Variants in L2HGDH observed in about 807,000 individuals in gnomAD.
L2HGDH encodes the protein L-2-hydroxyglutarate dehydrogenase, mitochondrial.
L2HGDH carries 34 observed loss-of-function variants against 51.5 expected under a neutral mutation model. The observed-to-expected ratio is 0.66, with a 90% CI of 0.50 to 0.88. The LOEUF (loss-of-function observed/expected upper bound fraction) is 0.88, where lower values mean the gene tolerates loss of function less well. L2HGDH is among the 40% of genes least tolerant of loss of function. L2HGDH has a pLI of 0.00. For synonymous variants in L2HGDH, 198 were observed against 197.9 expected, an observed-to-expected ratio of 1.00 and a Z score of -0.01; for missense variants, 558 against 571.9, an observed-to-expected ratio of 0.98 and a Z score of 0.25.
intron 5 of L2HGDH, among the ~76,000 whole-genome samples, chr14:50,280,572 T>C (rs1481988087): frequency 6.6e-6 from 1 of 152,182 alleles, no homozygotes; most frequent in Non-Finnish European, 1.5e-5. Flanking sequence ...ACTGACTACG[T>C]TTGCCATTTA....
In L2HGDH at chr14:50,254,694, T is replaced by C. The variant is rs141102818; in HGVS notation, c.1197-7441A>G. 1.8e-4 allele frequency among the ~76,000 whole-genome samples: 27 copies of C among 152,246 alleles called. No homozygotes were observed. The East Asian group carries it at 4.8e-3, about 27-fold the overall frequency. On this transcript the variant is annotated intron_variant, in intron 9 of 9. Transcript: ENST00000267436. ...AAAATTATGTTCTCAATGTCCCCTA[T>C]ACTCTTGTCCACATATTGAAAACCC...
At position 50,311,636 on chromosome 14, in the gene L2HGDH, T is replaced by G. The variant is rs140690881; in HGVS notation, c.140+375A>C. Among the ~76,000 whole-genome samples, 451 of 152,272 alleles carry G rather than the reference T, an allele frequency of 3.0e-3. 3 individuals carry two copies. Among genetic ancestry groups the G allele is most frequent in the African/African-American group, 9.2e-3 (384 of 41,554 alleles). ...AGACTCCAGCTTATAAAGAGCATATTTGATTGCTTATACTGTGTGCTAGGT... is the reference window on the plus strand; with the variant it reads ...AGACTCCAGCTTATAAAGAGCATATGTGATTGCTTATACTGTGTGCTAGGT... On this transcript the variant is annotated intron_variant, in intron 1 of 9. Transcript: ENST00000267436.
At chr14:50,310,936 CTTTTTTTTTT>C (rs34399906) in intron 1 of L2HGDH, among the ~76,000 whole-genome samples, 1 of 82,242 alleles carries the variant, frequency 1.2e-5, no homozygotes, top group Non-Finnish European at 2.3e-5. Flanking sequence ...CTTTTCTTTT[CTTTTTTTTTT>C]TTTTTTTTTT....
At position 50,243,199 on chromosome 14, in the gene L2HGDH, A is replaced by C. The variant is rs141321371; in HGVS notation, c.*3859T>G. ...TGATATACACATATATGTATGGATA[A>C]AAGAGTTAAGCTACGTAACATGAAA... On this transcript the variant is annotated 3_prime_UTR_variant, in exon 10 of 10. Transcript: ENST00000267436. 4.3e-5 allele frequency: 42 copies of C among 985,418 alleles called. No individual in the cohort carries two copies. The African/African-American group carries it at 6.1e-4, about 14-fold the overall frequency. 61.0% of individuals were successfully genotyped at this position (985,418 alleles called of 1,614,324 possible). A position where few individuals can be genotyped will look rare whatever the true frequency, so the allele number is the denominator to read the frequency against.
intron 1 of L2HGDH, 48 bp downstream of exon 1, chr14:50,311,963 C>T (rs1204577588): frequency 6.5e-7 from 1 of 1,540,640 alleles, no homozygotes; most frequent in Non-Finnish European, 8.7e-7. Context: ...CAGGTGCCTC[C>T]GCGAGGGGCA....
At chr14:50,281,863 C>T (rs573351635) in intron 5 of L2HGDH, among the ~76,000 whole-genome samples, 3 of 152,112 alleles carry the variant, frequency 2.0e-5, no homozygotes, top group East Asian at 1.9e-4. Context: ...GTGTGTGTGA[C>T]GGAGTCTCGC....
rs191842142 is a variant in L2HGDH, at chr14:50,303,219, C to T, written c.141-202G>A. Among the ~76,000 whole-genome samples the T allele has an allele frequency of 1.4e-3, 218 of 151,972 alleles. 2 individuals are homozygous for T. The highest frequency in any genetic ancestry group is 4.7e-3 in the African/African-American group (193 of 41,456). ...GGGGCGGATCACGAGGTCAAGAGAT[C>T]GAGACCATCCTGGCCAACATGGTGA... On this transcript the variant is annotated intron_variant, in intron 1 of 9. Transcript: ENST00000267436.
intron 7 of L2HGDH, among the ~76,000 whole-genome samples, chr14:50,268,678 T>C (rs1889494971): frequency 1.3e-5 from 2 of 152,194 alleles, no homozygotes; most frequent in Admixed American, 1.3e-4. Flanking sequence ...TTTCATCTGG[T>C]TCGACCTAAT....
rs1888044627 is a variant in L2HGDH at position 50,247,060 on chromosome 14, A to G, written c.1390T>C (p.Ter464GlnextTer10). Residue 464 changes from the stop codon to glutamine, a stop_lost, in exon 10 of 10, where the codon TAA becomes CAA. Coordinates refer to ENST00000267436, the MANE Select transcript of L2HGDH (RefSeq NM_024884.3). ...ADEVQQRFEL[*>Q] ...GCATACCTAGCTCCTTTCATTATTT[A>G]TAATTCAAATCTTTGTTGTACTTCA... 1 of 1,612,874 alleles carries G rather than the reference A, an allele frequency of 6.2e-7. No homozygotes were observed. The highest frequency in any genetic ancestry group is 2.2e-5 in the East Asian group (1 of 44,872).
intron 5 of L2HGDH, among the ~76,000 whole-genome samples, chr14:50,279,498 G>A (rs1439485173): frequency 1.3e-5 from 2 of 152,040 alleles, no homozygotes; most frequent in Non-Finnish European, 2.9e-5. Flanking sequence ...CTTATTACTA[G>A]GTGCTATTTC....
At chr14:50,260,492 C>A (rs1272501969) in intron 9 of L2HGDH, among the ~76,000 whole-genome samples, 2 of 152,166 alleles carry the variant, frequency 1.3e-5, no homozygotes, top group African/African-American at 4.8e-5. Context: ...TAACTCAAGC[C>A]CCTCAGTTAT....
chr14:50,242,594 A>G lies in L2HGDH; in HGVS notation c.*4464T>C. 2.0e-6 allele frequency: 2 copies of G among 984,984 alleles called. No individual in the cohort carries two copies. Among genetic ancestry groups the G allele is most frequent in the African/African-American group, 1.7e-5 (1 of 57,340 alleles). 61.0% of individuals were successfully genotyped at this position (984,984 alleles called of 1,614,324 possible). A position where few individuals can be genotyped will look rare whatever the true frequency, so the allele number is the denominator to read the frequency against. ...ACACTGTTCTTCCCTTCAGGGCTTC[A>G]GGGTTTATTTCCATTCTTAAGCTAT... On this transcript the variant is annotated 3_prime_UTR_variant, in exon 10 of 10. Coordinates refer to ENST00000267436, the MANE Select transcript of L2HGDH (RefSeq NM_024884.3).
At chr14:50,269,409 A>AACAGGTACAG in intron 6 of L2HGDH, 79 bp from the exon 7 acceptor site, 1 of 1,360,990 alleles carries the variant, frequency 7.3e-7, no homozygotes, top group Non-Finnish European at 1.0e-6. Flanking sequence ...GTGATAGAAA[A>AACAGGTACAG]GAAAAAAAGG....
intron 9 of L2HGDH, among the ~76,000 whole-genome samples, chr14:50,252,461 T>C (rs1041115884): frequency 4.6e-5 from 7 of 151,408 alleles, no homozygotes; most frequent in African/African-American, 1.5e-4. Context: ...GACTAAAGTC[T>C]GCAGTCAAAA....
At chr14:50,253,376 T>C (rs1189075010) in intron 9 of L2HGDH, among the ~76,000 whole-genome samples, 1 of 152,026 alleles carries the variant, frequency 6.6e-6, no homozygotes, top group Non-Finnish European at 1.5e-5. Context: ...GGGCAAAATA[T>C]CTGAATAGAC....
Position 50,244,913 on chromosome 14 carries a change from C to A in L2HGDH, c.*2145G>T. The A allele has an allele frequency of 1.0e-6, 1 of 985,396 alleles. No individual in the cohort carries two copies. The highest frequency in any genetic ancestry group is 1.2e-6 in the Non-Finnish European group (1 of 829,932). 61.0% of individuals were successfully genotyped at this position (985,396 alleles called of 1,614,324 possible). A position where few individuals can be genotyped will look rare whatever the true frequency, so the allele number is the denominator to read the frequency against. On this transcript the variant is annotated 3_prime_UTR_variant, in exon 10 of 10. Coordinates refer to ENST00000267436, the MANE Select transcript of L2HGDH (RefSeq NM_024884.3). Reference sequence around the variant, plus strand: ...AAATCAGAGAGAATGGATGAAAATGCCTCACCTAAATGTGGTTCAGTACTC... The same window carrying A: ...AAATCAGAGAGAATGGATGAAAATGACTCACCTAAATGTGGTTCAGTACTC...
chr14:50,283,707 T>G (rs1890402116), intron 5 of L2HGDH, 164 bp downstream of exon 5: 10 of 602,798 alleles, frequency 1.7e-5, no homozygotes, highest in Non-Finnish European at 2.6e-5. Context: ...GCTATTTTTT[T>G]GTTATACTAT....
chr14:50,262,445 A>C (rs1889087657), intron 9 of L2HGDH, among the ~76,000 whole-genome samples: 1 of 144,298 alleles, frequency 6.9e-6, no homozygotes, highest in African/African-American at 2.5e-5. Context: ...AAAAAAAAAA[A>C]GTCTATTGAT....
intron 3 of L2HGDH, 135 bp from the exon 4 acceptor site, chr14:50,294,381 C>T: frequency 2.5e-6 from 2 of 797,690 alleles, no homozygotes; most frequent in Non-Finnish European, 3.8e-6. Context: ...TTTTTCTTCA[C>T]ATATCTAATT....
Sources: gnomAD v4.1 joint callset for allele counts (sites outside exome capture counted in the v4.1 genomes callset) on GRCh38, gnomAD v4.1.1 for gene constraint, MANE v1.5 for transcripts, NCBI Gene and HGNC (gene_info 2026-07-23, HGNC 2026-07-21) for gene names.